The following RBMS3 variants were observed in gnomAD, a reference collection of about 807,000 sequenced individuals.
The protein encoded by RBMS3 is RNA-binding motif, single-stranded-interacting protein 3.
In RBMS3, 27 loss-of-function variants were observed where a neutral mutation model predicts 66.8. That is an observed-to-expected ratio of 0.40 (90% confidence interval 0.30 to 0.56). RBMS3 has a LOEUF of 0.56. RBMS3 is among the 20% of genes least tolerant of loss of function. The pLI is 0.40. For synonymous variants in RBMS3, 188 were observed against 183.0 expected, an observed-to-expected ratio of 1.03 and a Z score of -0.22; for missense variants, 513 against 549.5, an observed-to-expected ratio of 0.93 and a Z score of 0.66.
chr3:29,841,573 G>T (rs1044586524), intron 6 of RBMS3, among the ~76,000 whole-genome samples: 3 of 151,958 alleles, frequency 2.0e-5, no homozygotes, highest in Non-Finnish European at 2.9e-5. Flanking sequence ...TGTCTACCAT[G>T]TACTGCACCT....
intron 2 of RBMS3, among the ~76,000 whole-genome samples, chr3:29,453,318 A>G (rs2125764719): frequency 6.6e-6 from 1 of 152,272 alleles, no homozygotes; most frequent in Non-Finnish European, 1.5e-5. Context: ...ACTGGATTGG[A>G]TTTTAGACAA....
At chr3:29,760,645 G>A (rs1348062423) in intron 5 of RBMS3, among the ~76,000 whole-genome samples, 1 of 142,222 alleles carries the variant, frequency 7.0e-6, no homozygotes, top group African/African-American at 2.7e-5. Context: ...TCCTGGAAAT[G>A]GAAATTTTCT....
intron 4 of RBMS3, among the ~76,000 whole-genome samples, chr3:29,674,156 A>G (rs1002677028): frequency 6.6e-6 from 1 of 152,184 alleles, no homozygotes; most frequent in Non-Finnish European, 1.5e-5. Flanking sequence ...CAAAAACCAC[A>G]TGATTATCTC....
At chr3:29,775,263 TTA>T (rs2056385045) in intron 6 of RBMS3, among the ~76,000 whole-genome samples, 2 of 87,282 alleles carry the variant, frequency 2.3e-5, no homozygotes, top group African/African-American at 4.8e-5. Flanking sequence ...TATTTTTTAT[TTA>T]TTTTTTTTTT....
intron 4 of RBMS3, among the ~76,000 whole-genome samples, chr3:29,609,679 A>G (rs116066332): frequency 0.018 from 2,703 of 152,128 alleles, 85 homozygotes; most frequent in African/African-American, 0.061. Flanking sequence ...GGCCTGATAC[A>G]TGGTAGATGC....
chr3:29,413,419 T>TACACAC (rs1269292197), intron 1 of RBMS3, among the ~76,000 whole-genome samples: 1 of 110,956 alleles, frequency 9.0e-6, no homozygotes, highest in Admixed American at 9.2e-5. Context: ...CATACATACA[T>TACACAC]ACATACACAG....
intron 4 of RBMS3, among the ~76,000 whole-genome samples, chr3:29,642,477 A>C (rs1057224027): frequency 6.6e-6 from 1 of 152,110 alleles, no homozygotes; most frequent in Non-Finnish European, 1.5e-5. Context: ...ATAAGTAAAA[A>C]TGTATGGTTT....
chr3:29,551,413 G>C (rs947479793), intron 3 of RBMS3, among the ~76,000 whole-genome samples: 5 of 152,142 alleles, frequency 3.3e-5, no homozygotes, highest in Non-Finnish European at 7.3e-5. Context: ...CCCCAAATTA[G>C]ATGTATTCGC....
At chr3:29,993,324 C>G (rs1020346781) in intron 14 of RBMS3, among the ~76,000 whole-genome samples, 1 of 140,182 alleles carries the variant, frequency 7.1e-6, no homozygotes, top group Non-Finnish European at 1.6e-5. Flanking sequence ...GCCTGGTCAA[C>G]GGGTTATATG....
intron 2 of RBMS3, among the ~76,000 whole-genome samples, chr3:29,447,553 A>G (rs1471938142): frequency 6.6e-6 from 1 of 152,222 alleles, no homozygotes; most frequent in South Asian, 2.1e-4. Context: ...CGAAGTGGAT[A>G]TAGTAATGCT....
chr3:29,486,626 T>A (rs1057428316), intron 2 of RBMS3, among the ~76,000 whole-genome samples: 8 of 152,176 alleles, frequency 5.3e-5, no homozygotes, highest in Non-Finnish European at 1.2e-4. Context: ...CATTTAACAT[T>A]TTTTGCTGTA....
At chr3:29,326,879 C>A (rs536988662) in intron 1 of RBMS3, among the ~76,000 whole-genome samples, 1 of 152,070 alleles carries the variant, frequency 6.6e-6, no homozygotes, top group East Asian at 1.9e-4. Context: ...TACAGACGTG[C>A]ACCACCACGC....
At chr3:29,644,151 A>G (rs550964602) in intron 4 of RBMS3, among the ~76,000 whole-genome samples, 10 of 152,258 alleles carry the variant, frequency 6.6e-5, no homozygotes, top group African/African-American at 2.2e-4. Flanking sequence ...CAATATAGTA[A>G]TTTTCCCCAA....
intron 12 of RBMS3, among the ~76,000 whole-genome samples, chr3:29,978,806 T>A (rs1373627279): frequency 6.6e-6 from 1 of 152,060 alleles, no homozygotes; most frequent in African/African-American, 2.4e-5. Context: ...TCAAAAATAA[T>A]GAAGTAGACT....
rs1312714735 is a variant in RBMS3 at position 29,791,900 on chromosome 3, G to A, written c.637+28911G>A. ...TATCATATAATGGTTATTCTTATAT[G>A]TAATCATTATTACCAACTTATTTAT... On this transcript the variant is annotated intron_variant, in intron 6 of 14. Transcript: ENST00000383767. Among the ~76,000 whole-genome samples, 3 of 152,122 alleles carry A rather than the reference G, an allele frequency of 2.0e-5. No homozygotes were observed. In the East Asian group the frequency reaches 5.8e-4, roughly 29 times the overall value.
chr3:29,322,080 C>T (rs1168186617), intron 1 of RBMS3, among the ~76,000 whole-genome samples: 2 of 151,996 alleles, frequency 1.3e-5, no homozygotes, highest in Admixed American at 6.6e-5. Flanking sequence ...GGGCTATATA[C>T]AGTTTTCTAA....
At chr3:29,585,864 C>T (rs1442946204) in intron 3 of RBMS3, among the ~76,000 whole-genome samples, 4 of 152,044 alleles carry the variant, frequency 2.6e-5, no homozygotes, top group Admixed American at 6.6e-5. Context: ...GAGCATTTTA[C>T]AGTACACTGC....
At chr3:29,418,866 A>G (rs1167371830) in intron 1 of RBMS3, among the ~76,000 whole-genome samples, 1 of 152,164 alleles carries the variant, frequency 6.6e-6, no homozygotes, top group Non-Finnish European at 1.5e-5. Context: ...TATTATTACT[A>G]AAGCAGTTTT....
At chr3:29,457,438 A>T (rs2042229118) in intron 2 of RBMS3, among the ~76,000 whole-genome samples, 1 of 152,132 alleles carries the variant, frequency 6.6e-6, no homozygotes, top group Non-Finnish European at 1.5e-5. Flanking sequence ...AGATTCTCAC[A>T]TGGCCTGAAG....
Sources: allele counts gnomAD v4.1 joint callset (sites outside exome capture counted in the v4.1 genomes callset), GRCh38; gene constraint gnomAD v4.1.1; transcripts MANE v1.5; gene names NCBI Gene and HGNC (gene_info 2026-07-23, HGNC 2026-07-21).